The following PDSS1 variants were observed in gnomAD, a reference collection of about 807,000 sequenced individuals.
The protein encoded by PDSS1 is all trans-polyprenyl-diphosphate synthase PDSS1.
PDSS1 carries 43 observed loss-of-function variants against 57.5 expected under a neutral mutation model. The observed-to-expected ratio is 0.75, with a 90% confidence interval of 0.59 to 0.96. The LOEUF (loss-of-function observed/expected upper bound fraction) is 0.96, where lower values mean the gene tolerates loss of function less well. PDSS1 is among the 50% of genes least tolerant of loss of function. The pLI is 0.00. For synonymous variants in PDSS1, 175 were observed against 191.3 expected (o/e 0.91, Z 0.70); for missense variants, 438 against 527.8 (o/e 0.83, Z 1.67).
chr10:26,740,754 C>T (rs1292458258), intron 10 of PDSS1: 1 of 452,164 alleles, frequency 2.2e-6, no homozygotes, highest in Admixed American at 2.4e-5. Flanking sequence ...CAAGGGCTTC[C>T]AGTCATGAAG....
intron 8 of PDSS1, among the ~76,000 whole-genome samples, chr10:26,730,896 C>T (rs868761063): frequency 6.6e-6 from 1 of 152,150 alleles, no homozygotes; most frequent in Admixed American, 6.5e-5. Context: ...AATGATTCCA[C>T]ATTGGTTTGT....
intron 4 of PDSS1, among the ~76,000 whole-genome samples, chr10:26,708,335 C>T (rs552342968): frequency 4.6e-5 from 7 of 152,286 alleles, no homozygotes; most frequent in East Asian, 3.9e-4. Context: ...GACACACACC[C>T]GTCAGCCGGA....
intron 8 of PDSS1, among the ~76,000 whole-genome samples, chr10:26,730,037 C>T (rs538218335): frequency 2.6e-5 from 4 of 151,080 alleles, no homozygotes; most frequent in Non-Finnish European, 4.4e-5. Context: ...CTCAGCCTCC[C>T]GAGTAGCTGG....
chr10:26,742,407 T>C lies in PDSS1; in HGVS notation c.1027-90T>C, dbSNP rs562083982. The C allele has an allele frequency of 7.5e-6, 7 of 934,512 alleles. No individual in the cohort carries two copies. The East Asian group carries it at 1.5e-4, about 20-fold the overall frequency. 57.9% of individuals were successfully genotyped at this position (934,512 alleles called of 1,614,324 possible). ...GTTTCATTTTTGTTGTTTCTTGTTATTTCCTATTGTTACAAACTAGTGTTA... is the reference window on the plus strand; with the variant it reads ...GTTTCATTTTTGTTGTTTCTTGTTACTTCCTATTGTTACAAACTAGTGTTA... On this transcript the variant is annotated intron_variant, in intron 10 of 11. Transcript: ENST00000376215.
intron 6 of PDSS1, among the ~76,000 whole-genome samples, chr10:26,723,338 G>A (rs1016110727): frequency 1.3e-5 from 2 of 152,180 alleles, no homozygotes; most frequent in African/African-American, 2.4e-5. Flanking sequence ...ATCCAGTGTA[G>A]TGAAACTGAA....
At chr10:26,721,365 A>G (rs1380224115) in intron 6 of PDSS1, among the ~76,000 whole-genome samples, 1 of 151,274 alleles carries the variant, frequency 6.6e-6, no homozygotes, top group Non-Finnish European at 1.5e-5. Context: ...TCATAGATTT[A>G]TAGTATTCCT....
chr10:26,709,844 T>C, intron 5 of PDSS1, 76 bp downstream of exon 5: 1 of 1,486,012 alleles, frequency 6.7e-7, no homozygotes. Context: ...TACTGTTTCA[T>C]TTCCCATTTA....
At chr10:26,699,637 C>T (rs1447746272) in intron 1 of PDSS1, among the ~76,000 whole-genome samples, 2 of 151,976 alleles carry the variant, frequency 1.3e-5, no homozygotes, top group African/African-American at 4.8e-5. Context: ...TCAAGTGATC[C>T]ACCCCCTCCT....
chr10:26,702,858 C>A (rs1400504555), intron 2 of PDSS1, among the ~76,000 whole-genome samples: 1 of 152,088 alleles, frequency 6.6e-6, no homozygotes, highest in Non-Finnish European at 1.5e-5. Flanking sequence ...TCATGAGAGG[C>A]AAGGTTGACT....
rs116257454 is a variant in PDSS1, at chr10:26,726,519, T to G, written c.831+2396T>G. ...AATGCAAAGCCATGCGAGCTCCAAA[T>G]AAATGCATGCAAAGCAAATTAGACA... On this transcript the variant is annotated intron_variant, in intron 8 of 11. Coordinates refer to ENST00000376215, the MANE Select transcript of PDSS1 (RefSeq NM_014317.5). Among the ~76,000 whole-genome samples the G allele has an allele frequency of 2.9e-3, 443 of 152,244 alleles. 1 individual carries two copies. The highest frequency in any genetic ancestry group is 0.01 in the African/African-American group (416 of 41,544).
chr10:26,720,416 C>A, intron 6 of PDSS1, 57 bp downstream of exon 6: 1 of 1,126,746 alleles, frequency 8.9e-7, no homozygotes, highest in South Asian at 1.2e-5. Flanking sequence ...CTTTTCGGAC[C>A]GCATTTGTTT....
rs1835877995 is a variant in PDSS1, at chr10:26,724,109, A to G, written c.817A>G (p.Asn273Asp). The change falls in exon 8 of 12, where the codon AAC becomes GAC. Residue 273 changes from asparagine to aspartate, a missense_variant. Physicochemically the swap from Asn to Asp is conservative, Grantham distance 23. Transcript: ENST00000376215. ...TFKKTASLIA[N>D]SCKAVSVLGC... Reference sequence around the variant, plus strand: ...CAAGAAGACCGCCAGCCTGATAGCCAACAGTTGTAAAGCAGTATGTACGTT... The same window carrying G: ...CAAGAAGACCGCCAGCCTGATAGCCGACAGTTGTAAAGCAGTATGTACGTT... The G allele has an allele frequency of 6.2e-7, 1 of 1,607,608 alleles. No individual in the cohort carries two copies. The highest frequency in any genetic ancestry group is 8.5e-7 in the Non-Finnish European group (1 of 1,174,058).
At chr10:26,709,793 C>G (rs1302168077) in intron 5 of PDSS1, 25 bp downstream of exon 5, 19 of 1,611,560 alleles carry the variant, frequency 1.2e-5, no homozygotes, top group Non-Finnish European at 1.5e-5. Context: ...TCATTCCTTT[C>G]TTGTTTTTAT....
At chr10:26,729,848 G>A (rs1248829889) in intron 8 of PDSS1, among the ~76,000 whole-genome samples, 1 of 147,762 alleles carries the variant, frequency 6.8e-6, no homozygotes, top group Non-Finnish European at 1.5e-5. Context: ...ACCAAGGTCT[G>A]ATTTTTCACA....
intron 10 of PDSS1, among the ~76,000 whole-genome samples, chr10:26,738,884 G>T (rs1836490875): frequency 6.6e-6 from 1 of 152,192 alleles, no homozygotes. Flanking sequence ...CCCAGGGGAT[G>T]ACAGCGTCCT....
At chr10:26,702,283 A>C in intron 2 of PDSS1, 89 bp downstream of exon 2, 1 of 381,138 alleles carries the variant, frequency 2.6e-6, no homozygotes, top group Non-Finnish European at 5.3e-6. Flanking sequence ...GGTTTTGAAA[A>C]ATGAGGATAT....
At chr10:26,702,675 A>G (rs1748352) in intron 2 of PDSS1, among the ~76,000 whole-genome samples, 95,685 of 151,970 alleles carry the variant, frequency 0.63, 30,834 homozygotes, top group East Asian at 0.92. Flanking sequence ...ATGTGAAAAC[A>G]TACTAATACA....
At chr10:26,701,868 A>G (rs1252192542) in intron 1 of PDSS1, 5 of 454,632 alleles carry the variant, frequency 1.1e-5, no homozygotes, top group Non-Finnish European at 2.2e-5. Context: ...CAGGCACTCA[A>G]TGCCAGCCCA....
At position 26,711,643 on chromosome 10, in the gene PDSS1, C is replaced by T. The variant is rs1157434236; in HGVS notation, c.467+1875C>T. Among the ~76,000 whole-genome samples the T allele has an allele frequency of 2.0e-5, 2 of 97,972 alleles. 1 individual carries two copies. Among genetic ancestry groups the T allele is most frequent in the Non-Finnish European group, 4.7e-5 (2 of 42,376 alleles). The allele number at this position is 97,972 out of a possible 152,430, so 64.3% of individuals were successfully genotyped here. ...AGTCCAGAGCAGAGTTCCGCAGCCT[C>T]GGGACTGTTGAAATTTTGGGCCACA... On this transcript the variant is annotated intron_variant, in intron 5 of 11. Coordinates refer to ENST00000376215, the MANE Select transcript of PDSS1 (RefSeq NM_014317.5).
Sources: gnomAD v4.1 joint callset for allele counts (sites outside exome capture counted in the v4.1 genomes callset) on GRCh38, gnomAD v4.1.1 for gene constraint, MANE v1.5 for transcripts, NCBI Gene and HGNC (gene_info 2026-07-23, HGNC 2026-07-21) for gene names.